Variants in IGFBP7 observed in about 807,000 individuals in gnomAD.
IGFBP7 encodes insulin like growth factor binding protein 7.
A neutral mutation model predicts 29.4 loss-of-function variants in IGFBP7; 31 were observed. The observed-to-expected ratio is 1.05, with a 90% CI of 0.79 to 1.42. The LOEUF is 1.42. Ranked by LOEUF, IGFBP7 falls within the 40% of genes most tolerant of loss-of-function variation. IGFBP7 has a pLI of 0.00. For synonymous variants in IGFBP7, 172 were observed against 174.9 expected (o/e 0.98, Z 0.13); for missense variants, 393 against 395.5 (o/e 0.99, Z 0.05).
intron 1 of IGFBP7, among the ~76,000 whole-genome samples, chr4:57,092,817 C>T (rs1293740150): frequency 1.3e-5 from 2 of 150,708 alleles, no homozygotes; most frequent in Non-Finnish European, 3.0e-5. Flanking sequence ...AATTATGGTT[C>T]ATTCAAATTA....
chr4:57,066,650 G>A (rs985269200), intron 1 of IGFBP7, among the ~76,000 whole-genome samples: 1 of 149,974 alleles, frequency 6.7e-6, no homozygotes, highest in Non-Finnish European at 1.5e-5. Context: ...TGCAACCTCC[G>A]CCTCTTGGGT....
chr4:57,110,177 A>T lies in IGFBP7; in HGVS notation c.175T>A (p.Cys59Ser). 2.1e-6 allele frequency: 3 copies of T among 1,403,904 alleles called. No homozygotes were observed. The highest frequency in any genetic ancestry group is 2.8e-6 in the Non-Finnish European group (3 of 1,088,848). 87.0% of individuals were successfully genotyped at this position (1,403,904 alleles called of 1,614,324 possible). Residue 59 changes from cysteine to serine, a missense_variant, in exon 1 of 5, where the codon TGC becomes AGC. Cys to Ser is a moderately radical substitution (Grantham distance 112, BLOSUM62 -1). Coordinates refer to ENST00000295666, the MANE Select transcript of IGFBP7 (RefSeq NM_001553.3). ...LLGETRDACG[C>S]CPMCARGEGE... ...TCGCCGCGGGCGCACATAGGGCAGC[A>T]GCCGCACGCGTCGCGGGTCTCGCCC...
At chr4:57,059,876 TA>T (rs939455757) in intron 1 of IGFBP7, among the ~76,000 whole-genome samples, 4 of 152,198 alleles carry the variant, frequency 2.6e-5, no homozygotes, top group Non-Finnish European at 5.9e-5. Context: ...ATTAATTCCT[TA>T]AGGGGAAATT....
At chr4:57,042,951 A>G (rs1431346053) in intron 1 of IGFBP7, among the ~76,000 whole-genome samples, 1 of 152,232 alleles carries the variant, frequency 6.6e-6, no homozygotes, top group Admixed American at 6.5e-5. Flanking sequence ...TCCAGAGCTG[A>G]TGCAAGTAAC....
Position 57,035,617 on chromosome 4 carries a change from C to T in IGFBP7, c.586-2306G>A, listed in dbSNP as rs144501628. The stretch of plus-strand genomic sequence containing the variant: ...CTGGGATTACAGGCATGTGCCACCA[C>T]GCCTGGCTAATTTTTATAGTTTTAG... On this transcript the variant is annotated intron_variant, in intron 2 of 4. Transcript: ENST00000295666. 6.1e-3 allele frequency among the ~76,000 whole-genome samples: 932 copies of T among 152,138 alleles called. 11 individuals are homozygous for T. Among genetic ancestry groups the T allele is most frequent in the African/African-American group, 0.021 (866 of 41,498 alleles).
At chr4:57,095,117 A>G (rs986408939) in intron 1 of IGFBP7, among the ~76,000 whole-genome samples, 7 of 152,198 alleles carry the variant, frequency 4.6e-5, no homozygotes, top group African/African-American at 1.7e-4. Flanking sequence ...GCAGGCTGTG[A>G]TATGCCTTAT....
At chr4:57,039,065 C>CAAAAAAAAAAAAAAA (rs71208974) in intron 2 of IGFBP7, among the ~76,000 whole-genome samples, 2 of 106,466 alleles carry the variant, frequency 1.9e-5, no homozygotes, top group African/African-American at 7.3e-5. Context: ...AACTATGTCT[C>CAAAAAAAAAAAAAAA]AAAAAAAAAA....
At chr4:57,075,555 C>A (rs1385540506) in intron 1 of IGFBP7, among the ~76,000 whole-genome samples, 1 of 151,838 alleles carries the variant, frequency 6.6e-6, no homozygotes, top group East Asian at 1.9e-4. Context: ...GTCTCATTGC[C>A]AAGTAATATA....
intron 2 of IGFBP7, among the ~76,000 whole-genome samples, chr4:57,033,990 C>T (rs1724015472): frequency 7.4e-6 from 1 of 134,834 alleles, no homozygotes; most frequent in South Asian, 2.4e-4. Flanking sequence ...GCGGAGGTTG[C>T]AGTGAGCTGA....
intron 1 of IGFBP7, among the ~76,000 whole-genome samples, chr4:57,096,542 C>T (rs1240433303): frequency 6.6e-5 from 10 of 152,086 alleles, no homozygotes; most frequent in Non-Finnish European, 2.9e-5. Flanking sequence ...TTCTGTAAAG[C>T]TCCCCAGGTG....
chr4:57,056,569 TG>T (rs1297316225), intron 1 of IGFBP7, among the ~76,000 whole-genome samples: 1 of 152,056 alleles, frequency 6.6e-6, no homozygotes, highest in Non-Finnish European at 1.5e-5. Context: ...ATCAGGGAAA[TG>T]GGGATGTCTC....
intron 1 of IGFBP7, among the ~76,000 whole-genome samples, chr4:57,067,845 A>T (rs900872426): frequency 9.2e-5 from 14 of 152,328 alleles, no homozygotes; most frequent in South Asian, 2.1e-4. Context: ...AAAAAAATAA[A>T]AAATAAAAAG....
intron 1 of IGFBP7, among the ~76,000 whole-genome samples, chr4:57,053,949 G>A (rs1028586709): frequency 6.6e-6 from 1 of 152,158 alleles, no homozygotes; most frequent in African/African-American, 2.4e-5. Flanking sequence ...CTAACCACGT[G>A]GATGGTCACA....
chr4:57,035,848 G>A (rs1303631658), intron 2 of IGFBP7, among the ~76,000 whole-genome samples: 1 of 152,168 alleles, frequency 6.6e-6, no homozygotes, highest in African/African-American at 2.4e-5. Flanking sequence ...CAGAGAAATG[G>A]CACTTCTCCA....
At chr4:57,106,138 T>C (rs1726026392) in intron 1 of IGFBP7, among the ~76,000 whole-genome samples, 1 of 152,100 alleles carries the variant, frequency 6.6e-6, no homozygotes, top group Non-Finnish European at 1.5e-5. Context: ...GATCTCCTGA[T>C]CTCGTGATCC....
intron 1 of IGFBP7, among the ~76,000 whole-genome samples, chr4:57,086,486 G>A (rs1450260063): frequency 6.6e-6 from 1 of 152,080 alleles, no homozygotes; most frequent in Non-Finnish European, 1.5e-5. Context: ...ACCTATTATT[G>A]GATCTGTCAT....
Position 57,032,425 on chromosome 4 carries a change from CCT to C in IGFBP7, c.828_829del (p.Gly277Ter). The C allele has an allele frequency of 6.2e-7, 1 of 1,613,674 alleles. No individual in the cohort carries two copies. The highest frequency in any genetic ancestry group is 1.1e-5 in the South Asian group (1 of 91,020). On this transcript the variant is annotated frameshift_variant and splice_region_variant, in exon 4 of 5. Transcript: ENST00000295666. LOFTEE classifies it high-confidence loss of function. The stretch of plus-strand genomic sequence containing the variant: ...AAATGGCTGTGAGATTTATTGTGTA[CCT>C]TTTTTCACTGGTATTTCATGTAAGG...
At chr4:57,060,136 TGC>T (rs1292747160) in intron 1 of IGFBP7, among the ~76,000 whole-genome samples, 1 of 152,184 alleles carries the variant, frequency 6.6e-6, no homozygotes, top group African/African-American at 2.4e-5. Context: ...ACAGGCGAAG[TGC>T]AACTGGTCCT....
At chr4:57,040,049 A>G (rs780021335) in intron 2 of IGFBP7, among the ~76,000 whole-genome samples, 1 of 151,924 alleles carries the variant, frequency 6.6e-6, no homozygotes, top group Non-Finnish European at 1.5e-5. Flanking sequence ...GAAAGGAGAC[A>G]TTTTTTTCTT....
Sources: allele counts gnomAD v4.1 joint callset (sites outside exome capture counted in the v4.1 genomes callset), GRCh38; gene constraint gnomAD v4.1.1; transcripts MANE v1.5; gene names NCBI Gene and HGNC (gene_info 2026-07-23, HGNC 2026-07-21).